Variants in ZNF714 observed in about 807,000 individuals in gnomAD.
ZNF714 encodes zinc finger protein 714.
A neutral mutation model predicts 46.2 loss-of-function variants in ZNF714; 32 were observed. The ratio of observed to expected loss-of-function variants is 0.69; its 90% CI spans 0.52 to 0.93. ZNF714 has a LOEUF of 0.93. Among genes scored for constraint, ZNF714 ranks in the 40% least tolerant of loss-of-function variants. The probability of loss-of-function intolerance (pLI) is 0.00; values close to 1 mark genes in which losing one functional copy is unlikely to be tolerated. For missense variants in ZNF714, 635 were observed against 646.3 expected (o/e 0.98, Z 0.19); for synonymous variants, 199 against 213.1 (o/e 0.93, Z 0.58).
chr19:21,114,996 C>G (rs925885043), intron 4 of ZNF714, among the ~76,000 whole-genome samples: 12 of 149,342 alleles, frequency 8.0e-5, no homozygotes, highest in Admixed American at 6.7e-4. Flanking sequence ...CTTTTTTATA[C>G]TTATCTTGAT....
rs1027271575 is a variant in ZNF714 at position 21,106,975 on chromosome 19, C to T, written c.142+8065C>T. ...CTAAGTGGCTGGGATTACAGGCACA[C>T]GCTGCCACACCCCGCTAATTTTTGT... On this transcript the variant is annotated intron_variant, in intron 4 of 4. Coordinates refer to ENST00000456283, the MANE Select transcript of ZNF714 (RefSeq NM_182515.4). Among the ~76,000 whole-genome samples, 51 of 151,266 alleles carry T rather than the reference C, an allele frequency of 3.4e-4. 1 individual carries two copies. The highest frequency in any genetic ancestry group is 9.7e-4 in the African/African-American group (40 of 41,168).
Position 21,117,407 on chromosome 19 carries a change from AG to A in ZNF714, c.745del (p.Val249Ter). 1 of 1,613,358 alleles carries A rather than the reference AG, an allele frequency of 6.2e-7. No individual in the cohort carries two copies. On this transcript the variant is annotated frameshift_variant, in exon 5 of 5. Transcript: ENST00000456283. LOFTEE classifies it high-confidence loss of function. ...CATTCTTCACACCTTACTACACATA[AG>A]GTAATTCATACTGGAGAGAAGCCCT... ...FYHSSHLTTH[K>X]VIHTGEKPFK...
chr19:21,084,990 A>T (rs1968742069), intron 2 of ZNF714, among the ~76,000 whole-genome samples: 1 of 152,202 alleles, frequency 6.6e-6, no homozygotes, highest in Non-Finnish European at 1.5e-5. Context: ...TTAATTATAT[A>T]TTCCATTTGT....
chr19:21,112,818 T>TTTTTTTC (rs1969486945), intron 4 of ZNF714, among the ~76,000 whole-genome samples: 1 of 67,048 alleles, frequency 1.5e-5, no homozygotes, highest in African/African-American at 5.7e-5. Flanking sequence ...TATTTCTGAT[T>TTTTTTTC]TTTTTTTTTT....
rs1969756310 is a variant in ZNF714 at position 21,124,230 on chromosome 19, T to G, written c.*5898T>G. 6.6e-6 allele frequency: 1 copy of G among 152,204 alleles called. No individual in the cohort carries two copies. Among genetic ancestry groups the G allele is most frequent in the African/African-American group, 2.4e-5 (1 of 41,452 alleles). The allele number at this position is 152,204 out of a possible 1,614,324, so 9.4% of individuals were successfully genotyped here. A position where few individuals can be genotyped will look rare whatever the true frequency, so the allele number is the denominator to read the frequency against. On this transcript the variant is annotated 3_prime_UTR_variant, in exon 5 of 5. Transcript: ENST00000456283. ...CCAAAATACATATTTTTGATACTAT[T>G]TAGCCAAGATTACCACAAAGATACA...
rs183709146 is a variant in ZNF714 at position 21,088,980 on chromosome 19, A to G, written c.-85+4911A>G. Among the ~76,000 whole-genome samples, 281 of 152,302 alleles carry G rather than the reference A, an allele frequency of 1.8e-3. 4 individuals are homozygous for G. The highest frequency in any genetic ancestry group is 4.7e-4 in the Non-Finnish European group (32 of 68,026). ...CCATACTTCCTAAGTGGTCCAGAGT[A>G]TGTTTCTCTGATCCAAATGTGAAGA... is the stretch of plus-strand genomic sequence containing the variant. On this transcript the variant is annotated intron_variant, in intron 2 of 4. Transcript: ENST00000456283.
At position 21,104,108 on chromosome 19, in the gene ZNF714, C is replaced by T. The variant is rs190376575; in HGVS notation, c.142+5198C>T. On this transcript the variant is annotated intron_variant, in intron 4 of 4. Coordinates refer to ENST00000456283, the MANE Select transcript of ZNF714 (RefSeq NM_182515.4). ...ATCTCATATACATAGTGGAATCATA[C>T]AGTTTTTATCATTTTGTTATGGGCT... Among the ~76,000 whole-genome samples the T allele has an allele frequency of 1.8e-4, 27 of 152,194 alleles. No homozygotes were observed. The East Asian group carries it at 2.5e-3, about 14-fold the overall frequency.
At position 21,122,714 on chromosome 19, in the gene ZNF714, T is replaced by C. The variant is rs1035151912; in HGVS notation, c.*4382T>C. On this transcript the variant is annotated 3_prime_UTR_variant, in exon 5 of 5. Transcript: ENST00000456283. ...TCACAGCCCTTCTTTTTCTGAGTTA[T>C]AGCTACAGTTTTCTGACTGTTCTCT... 1 of 152,240 alleles carries C rather than the reference T, an allele frequency of 6.6e-6. No individual in the cohort carries two copies. Among genetic ancestry groups the C allele is most frequent in the Non-Finnish European group, 1.5e-5 (1 of 68,046 alleles). 9.4% of individuals were successfully genotyped at this position (152,240 alleles called of 1,614,324 possible).
At chr19:21,090,452 T>C (rs951807556) in intron 2 of ZNF714, among the ~76,000 whole-genome samples, 20 of 152,092 alleles carry the variant, frequency 1.3e-4, no homozygotes, top group Non-Finnish European at 2.4e-4. Context: ...CAGCAAAGAG[T>C]GCAAGACAGA....
rs1484111938 is a variant in ZNF714 at position 21,122,380 on chromosome 19, GC to G, written c.*4050del. On this transcript the variant is annotated 3_prime_UTR_variant, in exon 5 of 5. Transcript: ENST00000456283. The stretch of plus-strand genomic sequence containing the variant: ...TTGCTGAATTTAAAGAGAAATTCTG[GC>G]CGAGGCAGATGGATCACCTGAGGTT... 1 of 152,086 alleles carries G rather than the reference GC, an allele frequency of 6.6e-6. No homozygotes were observed. The highest frequency in any genetic ancestry group is 2.4e-5 in the African/African-American group (1 of 41,398). The allele number at this position is 152,086 out of a possible 1,614,324, so 9.4% of individuals were successfully genotyped here.
chr19:21,092,650 A>T (rs1457823653), intron 2 of ZNF714, among the ~76,000 whole-genome samples: 1 of 151,948 alleles, frequency 6.6e-6, no homozygotes, highest in African/African-American at 2.4e-5. Context: ...AAATTGTGTC[A>T]TGGGGTTTTG....
Position 21,119,300 on chromosome 19 carries a change from G to A in ZNF714, c.*968G>A, listed in dbSNP as rs1255889560. 3.5e-6 allele frequency: 1 copy of A among 288,744 alleles called. No homozygotes were observed. The allele number at this position is 288,744 out of a possible 1,614,324, so 17.9% of individuals were successfully genotyped here. A position where few individuals can be genotyped will look rare whatever the true frequency, so the allele number is the denominator to read the frequency against. On this transcript the variant is annotated 3_prime_UTR_variant, in exon 5 of 5. Transcript: ENST00000456283. ...GCCTGTAATCCCAGCTACTCAAGAG[G>A]CTGAGGCAGGAGAATCACTTGAACT...
At position 21,117,438 on chromosome 19, in the gene ZNF714, A is replaced by C. The variant is rs761379322; in HGVS notation, c.774A>C (p.Lys258Asn). 100 of 1,612,672 alleles carry C rather than the reference A, an allele frequency of 6.2e-5. No individual in the cohort carries two copies. The East Asian group carries it at 2.2e-3, about 36-fold the overall frequency. ...TTCATACTGGAGAGAAGCCCTTCAA[A>C]TGTGAAGAATGTGGTAAAGCTTTTA... ...KVIHTGEKPF[K>N]CEECGKAFNH... The change falls in exon 5 of 5, where the codon AAA becomes AAC. Residue 258 changes from lysine (K) to asparagine (N), a missense_variant. Transcript: ENST00000456283.
chr19:21,123,410 A>G lies in ZNF714; in HGVS notation c.*5078A>G, dbSNP rs1345800558. 1.3e-5 allele frequency among the ~76,000 whole-genome samples: 2 copies of G among 152,052 alleles called. No individual in the cohort carries two copies. Among genetic ancestry groups the G allele is most frequent in the Non-Finnish European group, 2.9e-5 (2 of 68,024 alleles). ...TGCTCTGTCTCCCAGGCTAGAGTAC[A>G]GTGGTGTGATCTTGGCTCACTGCAA... On this transcript the variant is annotated 3_prime_UTR_variant, in exon 5 of 5. Transcript: ENST00000456283.
chr19:21,084,361 A>C (rs548102421), intron 2 of ZNF714, among the ~76,000 whole-genome samples: 3 of 152,154 alleles, frequency 2.0e-5, no homozygotes, highest in Admixed American at 2.0e-4. Context: ...CCCATGTCCT[A>C]TGGTCTTGTA....
At chr19:21,104,547 AG>A (rs35122924) in intron 4 of ZNF714, among the ~76,000 whole-genome samples, 112,454 of 151,826 alleles carry the variant, frequency 0.74, 43,350 homozygotes, top group Middle Eastern at 0.88. Context: ...TTTTAAAAAA[AG>A]GTATAGTGGC....
In ZNF714 at chr19:21,117,511, A is replaced by G. The variant is rs1340353694; in HGVS notation, c.847A>G (p.Lys283Glu). Reference protein sequence around the residue: ...TTHKFIHVKEKPYKCEECDKA... With the variant: ...TTHKFIHVKEEPYKCEECDKA... ...ACATAAGTTCATTCATGTTAAAGAA[A>G]AACCCTACAAATGTGAAGAATGTGA... The change falls in exon 5 of 5, where the codon AAA (lysine) becomes GAA (glutamate). Residue 283 changes from lysine to glutamate, a missense_variant. Transcript: ENST00000456283. The G allele has an allele frequency of 6.2e-7, 1 of 1,607,988 alleles. No homozygotes were observed. Among genetic ancestry groups the G allele is most frequent in the Admixed American group, 1.7e-5 (1 of 58,570 alleles).
At chr19:21,088,698 G>C (rs780554290) in intron 2 of ZNF714, among the ~76,000 whole-genome samples, 3 of 152,014 alleles carry the variant, frequency 2.0e-5, no homozygotes, top group African/African-American at 7.3e-5. Context: ...AATTAATCAG[G>C]GTTCTTTTAT....
At chr19:21,113,744 A>T (rs1475226591) in intron 4 of ZNF714, among the ~76,000 whole-genome samples, 1 of 152,048 alleles carries the variant, frequency 6.6e-6, no homozygotes. Context: ...TCTTGAGTTC[A>T]GGCAATCCAC....
Sources: allele counts gnomAD v4.1 joint callset (sites outside exome capture counted in the v4.1 genomes callset), GRCh38; gene constraint gnomAD v4.1.1; transcripts MANE v1.5; gene names NCBI Gene and HGNC (gene_info 2026-07-23, HGNC 2026-07-21).